SPAG9: variants seen among roughly 807,000 people sequenced by gnomAD.
The protein encoded by SPAG9 is C-Jun-amino-terminal kinase-interacting protein 4.
Under a neutral mutation model 166.5 loss-of-function variants are expected in SPAG9, and 35 were observed. The ratio of observed to expected loss-of-function variants is 0.21; its 90% CI spans 0.16 to 0.28. The LOEUF is 0.28. Among genes scored for constraint, SPAG9 ranks in the 10% least tolerant of loss-of-function variants. The pLI is 1.00. For missense variants in SPAG9, 1,235 were observed against 1,603.3 expected (o/e 0.77, Z 3.92); for synonymous variants, 534 against 565.5 (o/e 0.94, Z 0.79).
intron 4 of SPAG9, among the ~76,000 whole-genome samples, chr17:51,044,652 C>G (rs902297704): frequency 1.3e-5 from 2 of 152,122 alleles, no homozygotes; most frequent in African/African-American, 4.8e-5. Context: ...TTTACATTAT[C>G]GCATTTAATC....
chr17:51,091,984 T>TAA (rs66581264), intron 1 of SPAG9, among the ~76,000 whole-genome samples: 3 of 129,268 alleles, frequency 2.3e-5, no homozygotes, highest in African/African-American at 5.6e-5. Flanking sequence ...CTCCCAAAGT[T>TAA]AAAAAAAAAA....
chr17:50,976,857 A>C, intron 27 of SPAG9: 1 of 327,560 alleles, frequency 3.1e-6, no homozygotes, highest in East Asian at 6.6e-5. Context: ...TTATTTCAAA[A>C]GATGAAATAG....
At chr17:51,029,130 G>A (rs2046296701) in intron 6 of SPAG9, among the ~76,000 whole-genome samples, 1 of 152,084 alleles carries the variant, frequency 6.6e-6, no homozygotes, top group South Asian at 2.1e-4. Flanking sequence ...TACAAGATTT[G>A]GAAGTGCATA....
At chr17:51,033,767 A>T (rs8072579) in intron 5 of SPAG9, among the ~76,000 whole-genome samples, 1 of 152,206 alleles carries the variant, frequency 6.6e-6, no homozygotes, top group Non-Finnish European at 1.5e-5. Context: ...TAACACAGTG[A>T]GCATCAATAA....
chr17:51,040,731 CATG>C (rs756292076), intron 5 of SPAG9, among the ~76,000 whole-genome samples: 5 of 152,150 alleles, frequency 3.3e-5, no homozygotes, highest in African/African-American at 4.8e-5. Context: ...ATGCTTAGAC[CATG>C]ATAAGTATTA....
At chr17:50,975,710 T>C (rs75376543) in intron 27 of SPAG9, among the ~76,000 whole-genome samples, 1 of 148,220 alleles carries the variant, frequency 6.7e-6, no homozygotes, top group Non-Finnish European at 1.5e-5. Context: ...GTAACAAACA[T>C]TAAAAAAAAA....
chr17:51,115,882 T>C (rs897753133), intron 1 of SPAG9, among the ~76,000 whole-genome samples: 2 of 151,970 alleles, frequency 1.3e-5, no homozygotes, highest in Non-Finnish European at 2.9e-5. Flanking sequence ...AGGAAGACAA[T>C]GCCTCTTCGT....
chr17:51,077,089 GCTATCTATCTAGCTAGCTATCTAGCTAT>G lies in SPAG9; in HGVS notation c.424+2467_424+2494del, dbSNP rs1568065797. ...AGCTAGCTATCTAGCTATCTAGCTA[GCTATCTATCTAGCTAGCTATCTAGCTAT>G]CTAGCTAGCTATCTATCTATTTCTT... On this transcript the variant is annotated intron_variant, in intron 2 of 29. Transcript: ENST00000262013. Among the ~76,000 whole-genome samples, 216 of 67,384 alleles carry G rather than the reference GCTATCTATCTAGCTAGCTATCTAGCTAT, an allele frequency of 3.2e-3. 1 individual carries two copies. Among genetic ancestry groups the G allele is most frequent in the South Asian group, 0.021 (47 of 2,286 alleles). The allele number at this position is 67,384 out of a possible 152,430, so 44.2% of individuals were successfully genotyped here. A position where few individuals can be genotyped will look rare whatever the true frequency, so the allele number is the denominator to read the frequency against.
intron 29 of SPAG9, among the ~76,000 whole-genome samples, chr17:50,968,800 C>T (rs969416066): frequency 4.6e-5 from 7 of 152,172 alleles, no homozygotes; most frequent in African/African-American, 1.7e-4. Flanking sequence ...CAAAGCACTA[C>T]TCTTTCACGA....
At position 51,056,398 on chromosome 17, in the gene SPAG9, A is replaced by C. The variant is rs1361406498; in HGVS notation, c.495+14T>G. 6.6e-7 allele frequency: 1 copy of C among 1,517,396 alleles called. No individual in the cohort carries two copies. The highest frequency in any genetic ancestry group is 1.1e-5 in the South Asian group (1 of 88,116). The allele number at this position is 1,517,396 out of a possible 1,614,324, so 94.0% of individuals were successfully genotyped here. ...CTCAATAATAGCATGGTAATGAAAA[A>C]CCTAGAAACCCACCTCAGTGTGTCT... is the stretch of plus-strand genomic sequence containing the variant. On this transcript the variant is annotated intron_variant, in intron 3 of 29. Transcript: ENST00000262013.
chr17:51,083,011 A>C (rs1358701258), intron 1 of SPAG9, among the ~76,000 whole-genome samples: 1 of 152,192 alleles, frequency 6.6e-6, no homozygotes, highest in Non-Finnish European at 1.5e-5. Flanking sequence ...TAGCAGGCCT[A>C]GGCTGCAGAC....
intron 15 of SPAG9, 176 bp downstream of exon 15, chr17:50,998,265 TGTG>T: frequency 8.6e-6 from 4 of 467,656 alleles, no homozygotes; most frequent in Non-Finnish European, 1.5e-5. Context: ...CTCCTGACCT[TGTG>T]ATCCGCCCAC....
chr17:51,113,482 C>A (rs1415178386), intron 1 of SPAG9, among the ~76,000 whole-genome samples: 6 of 150,916 alleles, frequency 4.0e-5, no homozygotes, highest in Non-Finnish European at 8.8e-5. Flanking sequence ...GAGTTCAATA[C>A]CAGCCTGGAC....
intron 23 of SPAG9, 113 bp downstream of exon 23, chr17:50,985,585 C>T: frequency 1.6e-6 from 1 of 606,116 alleles, no homozygotes; most frequent in Non-Finnish European, 2.9e-6. Context: ...AAAAAACAAA[C>T]AAATTGGATA....
intron 1 of SPAG9, among the ~76,000 whole-genome samples, chr17:51,102,902 C>T (rs1245604024): frequency 6.6e-6 from 1 of 152,136 alleles, no homozygotes; most frequent in Non-Finnish European, 1.5e-5. Flanking sequence ...GCTGGGACTT[C>T]AGGCGTGTGT....
chr17:50,964,700 A>T lies in SPAG9; in HGVS notation c.*1572T>A. 1 of 449,408 alleles carries T rather than the reference A, an allele frequency of 2.2e-6. No individual in the cohort carries two copies. 27.8% of individuals were successfully genotyped at this position (449,408 alleles called of 1,614,324 possible). On this transcript the variant is annotated 3_prime_UTR_variant, in exon 30 of 30. Coordinates refer to ENST00000262013, the MANE Select transcript of SPAG9 (RefSeq NM_001130528.3). ...GAAAAAATTGCAGCATCGTGGTTTTAAAAAACTTATTAAGCAAGAAAATCA... is the reference window on the plus strand; with the variant it reads ...GAAAAAATTGCAGCATCGTGGTTTTTAAAAACTTATTAAGCAAGAAAATCA...
chr17:51,043,274 C>T (rs1161925909), intron 4 of SPAG9, among the ~76,000 whole-genome samples: 2 of 152,154 alleles, frequency 1.3e-5, no homozygotes, highest in South Asian at 2.1e-4. Flanking sequence ...AGTGACTAGT[C>T]AGCTACCATG....
intron 7 of SPAG9, among the ~76,000 whole-genome samples, chr17:51,020,767 T>C (rs775325215): frequency 7.2e-5 from 11 of 152,208 alleles, no homozygotes; most frequent in Non-Finnish European, 1.5e-4. Flanking sequence ...CCCACCACAA[T>C]ACCAAAATCC....
At chr17:51,082,475 C>G (rs535864633) in intron 1 of SPAG9, among the ~76,000 whole-genome samples, 85 of 150,598 alleles carry the variant, frequency 5.6e-4, no homozygotes, top group Admixed American at 1.6e-3. Context: ...ATCCAACATG[C>G]TATTTTAGTA....
Sources: allele counts gnomAD v4.1 joint callset (sites outside exome capture counted in the v4.1 genomes callset), GRCh38; gene constraint gnomAD v4.1.1; transcripts MANE v1.5; gene names NCBI Gene and HGNC (gene_info 2026-07-23, HGNC 2026-07-21).